Variants in ARHGAP10 observed in about 807,000 individuals in gnomAD.
ARHGAP10 encodes the protein Rho GTPase activating protein 10.
ARHGAP10 carries 87 observed loss-of-function variants against 108.6 expected under a neutral mutation model. The ratio of observed to expected loss-of-function variants is 0.80; its 90% confidence interval spans 0.67 to 0.96. ARHGAP10 has a LOEUF of 0.96. Among genes scored for constraint, ARHGAP10 ranks in the 40% least tolerant of loss-of-function variants. ARHGAP10 has a pLI of 0.00. For synonymous variants in ARHGAP10, 347 were observed against 341.1 expected (o/e 1.02, Z -0.19); for missense variants, 939 against 954.5 (o/e 0.98, Z 0.21).
intron 18 of ARHGAP10, among the ~76,000 whole-genome samples, chr4:147,968,323 AGT>A (rs1739280788): frequency 6.6e-6 from 1 of 152,222 alleles, no homozygotes. Flanking sequence ...CATAGTTAAA[AGT>A]GTACCTTTAT....
At chr4:147,872,770 G>A (rs188274615) in intron 7 of ARHGAP10, among the ~76,000 whole-genome samples, 36 of 152,326 alleles carry the variant, frequency 2.4e-4, no homozygotes, top group Non-Finnish European at 4.7e-4. Context: ...CATCATAAAG[G>A]CCTTCATGTG....
intron 10 of ARHGAP10, among the ~76,000 whole-genome samples, chr4:147,898,240 G>T (rs1234721946): frequency 6.6e-6 from 1 of 151,902 alleles, no homozygotes; most frequent in Non-Finnish European, 1.5e-5. Context: ...TATTTTGTCT[G>T]TCTGAAAATG....
At chr4:147,787,560 A>G (rs1480295048) in intron 1 of ARHGAP10, among the ~76,000 whole-genome samples, 1 of 152,134 alleles carries the variant, frequency 6.6e-6, no homozygotes, top group Non-Finnish European at 1.5e-5. Context: ...TGGAATTGGG[A>G]AAACTAATCT....
At chr4:147,993,845 G>C (rs547270542) in intron 18 of ARHGAP10, among the ~76,000 whole-genome samples, 11 of 152,304 alleles carry the variant, frequency 7.2e-5, no homozygotes, top group African/African-American at 2.6e-4. Flanking sequence ...TAGTCTGCTT[G>C]GGGGAGAGGG....
chr4:147,985,436 C>A (rs1740002258), intron 18 of ARHGAP10, among the ~76,000 whole-genome samples: 1 of 152,136 alleles, frequency 6.6e-6, no homozygotes, highest in Non-Finnish European at 1.5e-5. Flanking sequence ...CAGTTCCAGG[C>A]CACCAAGCTG....
intron 1 of ARHGAP10, among the ~76,000 whole-genome samples, chr4:147,805,049 G>A (rs979727958): frequency 3.3e-5 from 5 of 152,234 alleles, no homozygotes; most frequent in Non-Finnish European, 7.4e-5. Context: ...ATCTTGGCTA[G>A]GTCCTCTATC....
chr4:148,034,091 G>A (rs1488398782), intron 19 of ARHGAP10, among the ~76,000 whole-genome samples: 2 of 152,044 alleles, frequency 1.3e-5, no homozygotes, highest in African/African-American at 2.4e-5. Context: ...CATGGTTTTT[G>A]CCTGGAACAA....
intron 13 of ARHGAP10, among the ~76,000 whole-genome samples, chr4:147,915,244 A>G (rs541144735): frequency 3.9e-5 from 6 of 152,348 alleles, no homozygotes; most frequent in African/African-American, 1.4e-4. Flanking sequence ...ATTCTCTTAC[A>G]GTGGCAATTC....
intron 7 of ARHGAP10, among the ~76,000 whole-genome samples, chr4:147,874,464 T>TC (rs1734979873): frequency 6.6e-6 from 1 of 152,140 alleles, no homozygotes; most frequent in African/African-American, 2.4e-5. Flanking sequence ...AGATTTTTTT[T>TC]CCCCCTTCTG....
chr4:147,838,541 C>A (rs1234937018), intron 3 of ARHGAP10, among the ~76,000 whole-genome samples: 1 of 65,802 alleles, frequency 1.5e-5, no homozygotes, highest in African/African-American at 2.7e-5. Context: ...GATTTCTCTT[C>A]CTCCTCTTCT....
At chr4:147,867,521 A>G (rs1039052120) in intron 7 of ARHGAP10, among the ~76,000 whole-genome samples, 33 of 152,302 alleles carry the variant, frequency 2.2e-4, no homozygotes, top group African/African-American at 7.5e-4. Flanking sequence ...ACACAGGTAG[A>G]TGGATGGGAA....
intron 18 of ARHGAP10, among the ~76,000 whole-genome samples, chr4:147,999,243 C>T (rs1344685113): frequency 6.6e-6 from 1 of 152,164 alleles, no homozygotes; most frequent in Non-Finnish European, 1.5e-5. Context: ...AATAAATAGC[C>T]AATCATCTAT....
At chr4:147,989,766 C>T (rs1009993238) in intron 18 of ARHGAP10, among the ~76,000 whole-genome samples, 49 of 152,128 alleles carry the variant, frequency 3.2e-4, no homozygotes, top group African/African-American at 1.1e-3. Context: ...GTGTAGTTAA[C>T]GCAATTATTA....
At chr4:147,763,412 A>G (rs539948710) in intron 1 of ARHGAP10, among the ~76,000 whole-genome samples, 187 of 151,722 alleles carry the variant, frequency 1.2e-3, no homozygotes, top group Non-Finnish European at 2.4e-3. Flanking sequence ...CCTGGGTTCA[A>G]GCGATTCTCC....
intron 1 of ARHGAP10, among the ~76,000 whole-genome samples, chr4:147,767,515 T>C (rs900216337): frequency 1.3e-5 from 2 of 152,158 alleles, no homozygotes; most frequent in Non-Finnish European, 2.9e-5. Flanking sequence ...TAGCTGGTTT[T>C]GCTCCTATAA....
At chr4:147,863,412 A>T (rs1359750689) in intron 5 of ARHGAP10, 1 of 152,262 alleles carries the variant, frequency 6.6e-6, no homozygotes, top group Non-Finnish European at 1.5e-5. Context: ...TCCATGTTGT[A>T]GTATGTATCA....
chr4:147,879,746 C>T (rs1735251972), intron 9 of ARHGAP10, among the ~76,000 whole-genome samples: 1 of 151,994 alleles, frequency 6.6e-6, no homozygotes, highest in Non-Finnish European at 1.5e-5. Context: ...TCCCTGTGTC[C>T]ATGTGTTCTC....
rs113021790 is a variant in ARHGAP10, at chr4:147,791,556, G to GTA, written c.155-31159_155-31158dup. 4.7e-3 allele frequency among the ~76,000 whole-genome samples: 712 copies of GTA among 151,842 alleles called. 2 individuals carry two copies. Among genetic ancestry groups the GTA allele is most frequent in the African/African-American group, 0.014 (579 of 41,428 alleles). On this transcript the variant is annotated intron_variant, in intron 1 of 22. Coordinates refer to ENST00000336498, the MANE Select transcript of ARHGAP10 (RefSeq NM_024605.4). ...TGTGCGCGCGCGTGCGTGCGCGCGT[G>GTA]TATATATATATATTTTGTTTGTTTG...
intron 1 of ARHGAP10, among the ~76,000 whole-genome samples, chr4:147,769,611 C>G (rs1729991553): frequency 6.6e-6 from 1 of 152,190 alleles, no homozygotes; most frequent in Non-Finnish European, 1.5e-5. Context: ...TGAGGTTCCA[C>G]AAAACCCTCT....
Sources: allele counts gnomAD v4.1 joint callset (sites outside exome capture counted in the v4.1 genomes callset), GRCh38; gene constraint gnomAD v4.1.1; transcripts MANE v1.5; gene names NCBI Gene and HGNC (gene_info 2026-07-23, HGNC 2026-07-21).